TOMM34: variants seen among roughly 807,000 people sequenced by gnomAD.
The protein encoded by TOMM34 is translocase of outer mitochondrial membrane 34, also known as mitochondrial import receptor subunit TOM34.
A neutral mutation model predicts 37.4 loss-of-function variants in TOMM34; 24 were observed. The ratio of observed to expected loss-of-function variants is 0.64; its 90% CI spans 0.46 to 0.90. The LOEUF is 0.90. TOMM34 is among the 40% of genes least tolerant of loss of function. The pLI is 0.00. For synonymous variants in TOMM34, 154 were observed against 148.9 expected, an observed-to-expected ratio of 1.03 and a Z score of -0.25; for missense variants, 304 against 375.6, an observed-to-expected ratio of 0.81 and a Z score of 1.58.
chr20:44,946,814 A>T (rs1399733595), intron 5 of TOMM34, among the ~76,000 whole-genome samples: 3 of 152,346 alleles, frequency 2.0e-5, no homozygotes, highest in Admixed American at 2.0e-4. Flanking sequence ...AGTCCTCTAG[A>T]TTAAATTATA....
intron 3 of TOMM34, among the ~76,000 whole-genome samples, chr20:44,954,170 G>A (rs1429382110): frequency 2.6e-5 from 4 of 152,146 alleles, no homozygotes; most frequent in African/African-American, 9.7e-5. Flanking sequence ...CTCCCTCTCA[G>A]CTAGCTAGGT....
At chr20:44,953,952 C>T (rs2067048465) in intron 3 of TOMM34, among the ~76,000 whole-genome samples, 1 of 152,210 alleles carries the variant, frequency 6.6e-6, no homozygotes, top group Admixed American at 6.5e-5. Flanking sequence ...AGCCCTGAAC[C>T]CTGGGTCTTG....
At chr20:44,945,216 C>A (rs1052420673) in intron 5 of TOMM34, among the ~76,000 whole-genome samples, 2 of 152,158 alleles carry the variant, frequency 1.3e-5, no homozygotes, top group South Asian at 4.1e-4. Flanking sequence ...TCTGACTTAT[C>A]ATGAATTTAA....
chr20:44,943,161 C>G lies in TOMM34; in HGVS notation c.878G>C (p.Arg293Thr). 6 of 1,614,110 alleles carry G rather than the reference C, an allele frequency of 3.7e-6. No homozygotes were observed. The highest frequency in any genetic ancestry group is 5.1e-6 in the Non-Finnish European group (6 of 1,179,996). ...CCGCAACTTCTGTGCAGGACCATTC[C>G]TAGGCTCAATCTGTAGGAGGTTGCT... is the stretch of plus-strand genomic sequence containing the variant. ...DISNLLQIEPRNGPAQKLRQE... is the reference protein window; with the variant it reads ...DISNLLQIEPTNGPAQKLRQE... The change falls in exon 7 of 7, where the codon AGG (arginine) becomes ACG (threonine). Residue 293 changes from arginine (R) to threonine (T), a missense_variant. Physicochemically the swap from Arg to Thr is moderately conservative, Grantham distance 71 (BLOSUM62 -1). Coordinates refer to ENST00000372813, the MANE Select transcript of TOMM34 (RefSeq NM_006809.5).
chr20:44,948,607 G>T, intron 5 of TOMM34, 123 bp downstream of exon 5: 1 of 1,221,854 alleles, frequency 8.2e-7, no homozygotes, highest in Non-Finnish European at 1.1e-6. Context: ...CAACGTGGAT[G>T]CATGTTTTCA....
intron 4 of TOMM34, among the ~76,000 whole-genome samples, chr20:44,950,613 G>T (rs187217244): frequency 2.1e-4 from 32 of 152,328 alleles, no homozygotes; most frequent in Admixed American, 9.1e-4. Flanking sequence ...TGCACTGATT[G>T]AAAGAATGAA....
intron 5 of TOMM34, among the ~76,000 whole-genome samples, chr20:44,947,065 T>C (rs2066986533): frequency 6.6e-6 from 1 of 152,122 alleles, no homozygotes; most frequent in Admixed American, 6.5e-5. Flanking sequence ...GCTCCAAATA[T>C]GGTAATGATC....
At chr20:44,948,536 T>A (rs1382234251) in intron 5 of TOMM34, among the ~76,000 whole-genome samples, 194 bp downstream of exon 5, 1 of 152,246 alleles carries the variant, frequency 6.6e-6, no homozygotes, top group Non-Finnish European at 1.5e-5. Context: ...AGGCTACCAT[T>A]TGGCATCCCT....
chr20:44,959,683 AT>A (rs973529101), intron 1 of TOMM34, among the ~76,000 whole-genome samples: 1 of 152,084 alleles, frequency 6.6e-6, no homozygotes, highest in African/African-American at 2.4e-5. Flanking sequence ...GCTTCTCATC[AT>A]TTAGACATCA....
At chr20:44,951,685 A>T in intron 4 of TOMM34, 148 bp downstream of exon 4, 2 of 953,736 alleles carry the variant, frequency 2.1e-6, no homozygotes, top group Admixed American at 6.2e-5. Flanking sequence ...AACAGTCTCT[A>T]AGAGGTGAAG....
At chr20:44,955,371 C>G in intron 2 of TOMM34, 151 bp from the exon 3 acceptor site, 1 of 969,996 alleles carries the variant, frequency 1.0e-6, no homozygotes, top group South Asian at 1.6e-5. Context: ...AACCTCAGAA[C>G]AGGGATTTTT....
intron 5 of TOMM34, among the ~76,000 whole-genome samples, chr20:44,947,326 C>G (rs1330517840): frequency 6.6e-6 from 1 of 152,142 alleles, no homozygotes; most frequent in East Asian, 1.9e-4. Flanking sequence ...CATTGGGCAG[C>G]AAAACCTGAT....
intron 5 of TOMM34, among the ~76,000 whole-genome samples, chr20:44,946,445 GAAA>G (rs1227929082): frequency 6.6e-6 from 1 of 152,204 alleles, no homozygotes; most frequent in Non-Finnish European, 1.5e-5. Flanking sequence ...GAGTGAAAGG[GAAA>G]TAAGCTTTGG....
At chr20:44,950,916 G>T (rs924102119) in intron 4 of TOMM34, among the ~76,000 whole-genome samples, 1 of 152,134 alleles carries the variant, frequency 6.6e-6, no homozygotes, top group Non-Finnish European at 1.5e-5. Flanking sequence ...CCTGACAAAT[G>T]GCCTCTTCAT....
Position 44,960,379 on chromosome 20 carries a change from G to T in TOMM34, c.-46C>A. 6.7e-7 allele frequency: 1 copy of T among 1,495,696 alleles called. No individual in the cohort carries two copies. Among genetic ancestry groups the T allele is most frequent in the Admixed American group, 2.1e-5 (1 of 46,514 alleles). The allele number at this position is 1,495,696 out of a possible 1,614,324, so 92.7% of individuals were successfully genotyped here. A position where few individuals can be genotyped will look rare whatever the true frequency, so the allele number is the denominator to read the frequency against. ...TTGGGAGCTCCTTCCTTCCTCCCCCGTGTGGTGCGGCACACCTTCCGGGCG... is the reference window on the plus strand; with the variant it reads ...TTGGGAGCTCCTTCCTTCCTCCCCCTTGTGGTGCGGCACACCTTCCGGGCG... On this transcript the variant is annotated 5_prime_UTR_variant, in exon 1 of 7. Coordinates refer to ENST00000372813, the MANE Select transcript of TOMM34 (RefSeq NM_006809.5).
intron 1 of TOMM34, 39 bp downstream of exon 1, chr20:44,960,168 G>A (rs779255539): frequency 3.3e-6 from 5 of 1,535,924 alleles, no homozygotes; most frequent in African/African-American, 1.4e-5. Context: ...GGGAGTTGGA[G>A]GAGCAGGCCC....
chr20:44,956,504 G>C lies in TOMM34; in HGVS notation c.128-19C>G, dbSNP rs375427569. 1.4e-4 allele frequency: 220 copies of C among 1,613,266 alleles called. No homozygotes were observed. Among genetic ancestry groups the C allele is most frequent in the Non-Finnish European group, 1.8e-4 (207 of 1,179,602 alleles). On this transcript the variant is annotated intron_variant, in intron 1 of 6. Transcript: ENST00000372813. ...GAAGAACCTGCCCAGATAGAGTGGG[G>C]AAGATGATCAGTTTGGAAAATGGGT...
At chr20:44,951,427 T>C (rs1224359362) in intron 4 of TOMM34, among the ~76,000 whole-genome samples, 1 of 152,192 alleles carries the variant, frequency 6.6e-6, no homozygotes, top group African/African-American at 2.4e-5. Context: ...AAACCTTGCC[T>C]GAATTCTCTC....
rs115819073 is a variant in TOMM34 at position 44,953,546 on chromosome 20, C to T, written c.380+1522G>A. Among the ~76,000 whole-genome samples, 1,364 of 152,296 alleles carry T rather than the reference C, an allele frequency of 9.0e-3. 27 individuals carry two copies. The highest frequency in any genetic ancestry group is 0.032 in the African/African-American group (1,318 of 41,560). On this transcript the variant is annotated intron_variant, in intron 3 of 6. Transcript: ENST00000372813. Reference sequence around the variant, plus strand: ...TTCTCACAGCCCTAATCCACCTCTGCGCTGATGACCCTCAAATCCTTATGT... The same window carrying T: ...TTCTCACAGCCCTAATCCACCTCTGTGCTGATGACCCTCAAATCCTTATGT...
Sources: gnomAD v4.1 joint callset for allele counts (sites outside exome capture counted in the v4.1 genomes callset) on GRCh38, gnomAD v4.1.1 for gene constraint, MANE v1.5 for transcripts, NCBI Gene and HGNC (gene_info 2026-07-23, HGNC 2026-07-21) for gene names.